The following EIF2B1 variants were observed in gnomAD, a reference collection of about 807,000 sequenced individuals.
EIF2B1 encodes the protein eukaryotic translation initiation factor 2B subunit alpha.
A neutral mutation model predicts 36.8 loss-of-function variants in EIF2B1; 30 were observed. The ratio of observed to expected loss-of-function variants is 0.81; its 90% confidence interval spans 0.61 to 1.10. The LOEUF is 1.10. EIF2B1 is among the 50% of genes least tolerant of loss of function. The pLI is 0.00. For missense variants in EIF2B1, 271 were observed against 374.8 expected (o/e 0.72, Z 2.29); for synonymous variants, 139 against 142.2 (o/e 0.98, Z 0.16).
In EIF2B1 at chr12:123,633,667, C is replaced by T; in HGVS notation, c.-110G>A. ...CAGTCTGACAGCGCGCTGCACACCT[C>T]CGCACCCCACTTCCGGCGCACTTCC... On this transcript the variant is annotated 5_prime_UTR_variant, in exon 1 of 9. Transcript: ENST00000424014. 6.5e-7 allele frequency: 1 copy of T among 1,535,522 alleles called. No individual in the cohort carries two copies. Among genetic ancestry groups the T allele is most frequent in the Non-Finnish European group, 8.9e-7 (1 of 1,122,962 alleles).
chr12:123,623,247 G>A (rs932296648), intron 7 of EIF2B1, among the ~76,000 whole-genome samples: 1 of 151,898 alleles, frequency 6.6e-6, no homozygotes, highest in Non-Finnish European at 1.5e-5. Context: ...TGGGCATGGT[G>A]GGATGGGGGG....
chr12:123,627,197 G>A (rs1320313717), intron 4 of EIF2B1, 41 bp from the exon 5 acceptor site: 1 of 1,493,778 alleles, frequency 6.7e-7, no homozygotes, highest in Non-Finnish European at 9.3e-7. Context: ...CAGGCTCCTT[G>A]CTGCTCACTC....
rs755749017 is a variant in EIF2B1, at chr12:123,621,453, G to C, written c.*303C>G. The C allele has an allele frequency of 2.5e-6, 1 of 400,892 alleles. No individual in the cohort carries two copies. The highest frequency in any genetic ancestry group is 4.7e-6 in the Non-Finnish European group (1 of 211,554). The allele number at this position is 400,892 out of a possible 1,614,324, so 24.8% of individuals were successfully genotyped here. ...GTGCAGGGGAGGATGAAGACAGGTG[G>C]ACTTGGGCTCATCTTTCATCAGTTA... On this transcript the variant is annotated 3_prime_UTR_variant, in exon 9 of 9. Transcript: ENST00000424014.
chr12:123,625,390 C>T (rs990811555), intron 6 of EIF2B1, among the ~76,000 whole-genome samples: 32 of 152,056 alleles, frequency 2.1e-4, no homozygotes, highest in Non-Finnish European at 7.4e-5. Context: ...TAGCTGGGAC[C>T]ACAGCATATG....
intron 8 of EIF2B1, 86 bp from the exon 9 acceptor site, chr12:123,622,006 C>A: frequency 6.5e-7 from 1 of 1,536,120 alleles, no homozygotes; most frequent in South Asian, 1.2e-5. Context: ...CAGTGTGCTA[C>A]TTCCTGAGAC....
At chr12:123,632,038 A>G (rs7316410) in intron 2 of EIF2B1, among the ~76,000 whole-genome samples, 28,166 of 151,664 alleles carry the variant, frequency 0.19, 5,029 homozygotes, top group African/African-American at 0.47. Flanking sequence ...GGGAGGCCAA[A>G]GCGGGCAGAT....
chr12:123,625,591 CA>C (rs753200340), intron 6 of EIF2B1, among the ~76,000 whole-genome samples: 1 of 152,206 alleles, frequency 6.6e-6, no homozygotes, highest in Non-Finnish European at 1.5e-5. Flanking sequence ...TACTTTTGAA[CA>C]CATTCCTAAT....
At position 123,621,301 on chromosome 12, in the gene EIF2B1, A is replaced by G. The variant is rs7137332; in HGVS notation, c.*455T>C. 0.99 allele frequency: 252,891 copies of G among 255,066 alleles called. 125,374 individuals are homozygous for G. The highest frequency in any genetic ancestry group is 1 in the East Asian group (9,796 of 9,796). 15.8% of individuals were successfully genotyped at this position (255,066 alleles called of 1,614,324 possible). On this transcript the variant is annotated 3_prime_UTR_variant, in exon 9 of 9. Coordinates refer to ENST00000424014, the MANE Select transcript of EIF2B1 (RefSeq NM_001414.4). The stretch of plus-strand genomic sequence containing the variant: ...ACCACTGGAAGCCAGATGCAGATTC[A>G]GCAAGTGTTTCTTGCCTCTTACAAG...
intron 7 of EIF2B1, among the ~76,000 whole-genome samples, chr12:123,624,111 A>C (rs1179213642): frequency 7.0e-6 from 1 of 141,992 alleles, no homozygotes; most frequent in Non-Finnish European, 1.6e-5. Context: ...AAATATATAA[A>C]TAATATTTTA....
chr12:123,633,460 G>A (rs1422732687), intron 1 of EIF2B1, 85 bp downstream of exon 1: 71 of 1,581,958 alleles, frequency 4.5e-5, no homozygotes, highest in Non-Finnish European at 6.1e-5. Context: ...AAATCTCTTC[G>A]GGAGCTCAGC....
intron 2 of EIF2B1, among the ~76,000 whole-genome samples, chr12:123,631,419 T>C (rs1286202746): frequency 1.3e-5 from 2 of 152,202 alleles, no homozygotes; most frequent in Middle Eastern, 3.2e-3. Context: ...ACGCCTGTAA[T>C]CTCAGCACTT....
At chr12:123,623,629 T>C (rs982440538) in intron 7 of EIF2B1, among the ~76,000 whole-genome samples, 15 of 151,980 alleles carry the variant, frequency 9.9e-5, no homozygotes, top group Non-Finnish European at 1.6e-4. Context: ...CCCGCCACCA[T>C]GCCCAGCTAA....
intron 2 of EIF2B1, 38 bp downstream of exon 2, chr12:123,632,307 C>T (rs756890776): frequency 4.7e-6 from 6 of 1,267,688 alleles, no homozygotes; most frequent in Non-Finnish European, 6.9e-6. Context: ...AAAGACTATC[C>T]TAAGTCCCAG....
intron 2 of EIF2B1, among the ~76,000 whole-genome samples, chr12:123,631,578 A>G (rs111682989): frequency 0.19 from 28,317 of 151,470 alleles, 5,069 homozygotes; most frequent in African/African-American, 0.47. Flanking sequence ...GGAGGCCGAC[A>G]TGGGCGGATC....
chr12:123,623,443 C>A (rs1360272636), intron 7 of EIF2B1, among the ~76,000 whole-genome samples: 3 of 152,036 alleles, frequency 2.0e-5, no homozygotes, highest in Non-Finnish European at 4.4e-5. Flanking sequence ...GAAATTGGAA[C>A]CTTTGTGCTT....
chr12:123,633,395 G>A (rs1955217594), intron 1 of EIF2B1, 150 bp downstream of exon 1: 1 of 1,189,848 alleles, frequency 8.4e-7, no homozygotes, highest in Non-Finnish European at 1.2e-6. Context: ...GCAGCGCGAG[G>A]GATTTAGTTG....
intron 8 of EIF2B1, among the ~76,000 whole-genome samples, chr12:123,622,263 C>T (rs1340342665): frequency 5.9e-5 from 9 of 152,180 alleles, no homozygotes; most frequent in Admixed American, 5.9e-4. Context: ...ATCCTCATGA[C>T]CCTGTCAGAT....
At chr12:123,632,267 C>CT (rs1426339093) in intron 2 of EIF2B1, 78 bp downstream of exon 2, 193 of 914,210 alleles carry the variant, frequency 2.1e-4, no homozygotes, top group Non-Finnish European at 2.1e-4. Flanking sequence ...GGCTCCGTCT[C>CT]TTTAAAAAAA....
chr12:123,621,945 C>G, intron 8 of EIF2B1, 25 bp from the exon 9 acceptor site: 6 of 1,613,032 alleles, frequency 3.7e-6, no homozygotes, highest in Non-Finnish European at 5.1e-6. Context: ...ACACATTAGT[C>G]GGCACTGAAT....
Sources: gnomAD v4.1 joint callset for allele counts (sites outside exome capture counted in the v4.1 genomes callset) on GRCh38, gnomAD v4.1.1 for gene constraint, MANE v1.5 for transcripts, NCBI Gene and HGNC (gene_info 2026-07-23, HGNC 2026-07-21) for gene names.